Variants in GALNT18 observed in about 807,000 individuals in gnomAD.
GALNT18 encodes GalNAc-transferase 18.
A neutral mutation model predicts 69.5 loss-of-function variants in GALNT18; 44 were observed. That is an observed-to-expected ratio of 0.63 (90% confidence interval 0.50 to 0.81). The LOEUF (loss-of-function observed/expected upper bound fraction) is 0.81, where lower values mean the gene tolerates loss of function less well. Among genes scored for constraint, GALNT18 ranks in the 40% least tolerant of loss-of-function variants. GALNT18 has a pLI of 0.00. For missense variants in GALNT18, 715 were observed against 810.0 expected (o/e 0.88, Z 1.42); for synonymous variants, 364 against 318.2 (o/e 1.14, Z -1.53).
chr11:11,559,977 G>A (rs1180208729), intron 1 of GALNT18, among the ~76,000 whole-genome samples: 1 of 151,958 alleles, frequency 6.6e-6, no homozygotes, highest in Admixed American at 6.6e-5. Flanking sequence ...CGATGGAACA[G>A]AATGAGATAT....
At chr11:11,529,539 C>T (rs1377769372) in intron 1 of GALNT18, among the ~76,000 whole-genome samples, 1 of 152,206 alleles carries the variant, frequency 6.6e-6, no homozygotes, top group African/African-American at 2.4e-5. Context: ...ACCATGGCCT[C>T]CCATAGACCT....
chr11:11,358,200 TTTTGGCTTTCTGTTG>T, intron 6 of GALNT18, among the ~76,000 whole-genome samples: 1 of 140,882 alleles, frequency 7.1e-6, no homozygotes, highest in African/African-American at 2.6e-5. Context: ...AGTTTTATAG[TTTTGGCTTTCTGTTG>T]AATCCAGGTA....
intron 10 of GALNT18, among the ~76,000 whole-genome samples, chr11:11,291,410 G>C (rs11021760): frequency 0.055 from 8,426 of 152,248 alleles, 305 homozygotes; most frequent in Middle Eastern, 0.16. Flanking sequence ...TCATCTATGA[G>C]GTCAGGTGGT....
chr11:11,487,816 T>C (rs373266913), intron 1 of GALNT18, among the ~76,000 whole-genome samples: 1 of 152,320 alleles, frequency 6.6e-6, no homozygotes, highest in East Asian at 1.9e-4. Context: ...CTACTGCACC[T>C]GAGCTCACTT....
At position 11,580,980 on chromosome 11, in the gene GALNT18, G is replaced by A. The variant is rs915465088; in HGVS notation, c.235+40379C>T. Among the ~76,000 whole-genome samples the A allele has an allele frequency of 3.9e-5, 6 of 152,374 alleles. 1 individual carries two copies. In the East Asian group the frequency reaches 1.2e-3, roughly 29 times the overall value. On this transcript the variant is annotated intron_variant, in intron 1 of 10. Coordinates refer to ENST00000227756, the MANE Select transcript of GALNT18 (RefSeq NM_198516.3). Reference sequence around the variant, plus strand: ...CAAAGACTGTGTCATCCTCCACGGTGCCACCCTGAAGCCTGCTTCACAGCT... The same window carrying A: ...CAAAGACTGTGTCATCCTCCACGGTACCACCCTGAAGCCTGCTTCACAGCT...
At position 11,469,118 on chromosome 11, in the gene GALNT18, G is replaced by A. The variant is rs533169748; in HGVS notation, c.236-20182C>T. On this transcript the variant is annotated intron_variant, in intron 1 of 10. Coordinates refer to ENST00000227756, the MANE Select transcript of GALNT18 (RefSeq NM_198516.3). The surrounding 1 kb of genome is among the most constrained non-coding windows in gnomAD (Gnocchi z 4.2). ...TCTTTAACCACGTCACTGTGAATCA[G>A]CCAGCTCTGATGATATTATTTTTTG... 9.2e-5 allele frequency among the ~76,000 whole-genome samples: 14 copies of A among 152,320 alleles called. No individual in the cohort carries two copies. Among genetic ancestry groups the A allele is most frequent in the African/African-American group, 3.4e-4 (14 of 41,584 alleles).
At position 11,584,573 on chromosome 11, in the gene GALNT18, G is replaced by A. The variant is rs753248711; in HGVS notation, c.235+36786C>T. Among the ~76,000 whole-genome samples, 9 of 152,128 alleles carry A rather than the reference G, an allele frequency of 5.9e-5. No homozygotes were observed. The highest frequency in any genetic ancestry group is 1.2e-4 in the Non-Finnish European group (8 of 68,024). ...TTCAGTGAAACACCCACAGAGAGCC[G>A]TTTGCCCCTTGAGATTCCTGAGGAG... is the stretch of plus-strand genomic sequence containing the variant. On this transcript the variant is annotated intron_variant, in intron 1 of 10. Transcript: ENST00000227756. This position sits in a 1 kb window ranked among gnomAD's most constrained non-coding sequence, Gnocchi z 4.1.
intron 7 of GALNT18, among the ~76,000 whole-genome samples, chr11:11,335,068 T>G (rs1219099899): frequency 3.9e-5 from 6 of 152,262 alleles, no homozygotes; most frequent in African/African-American, 9.6e-5. Context: ...TGACTAAATT[T>G]AACACTGTGT....
chr11:11,599,816 T>C (rs943457388), intron 1 of GALNT18, among the ~76,000 whole-genome samples: 2 of 152,030 alleles, frequency 1.3e-5, no homozygotes, highest in African/African-American at 2.4e-5. Flanking sequence ...CAGTGTATGA[T>C]GTGATGCTTT....
chr11:11,401,633 CA>C (rs1854469696), intron 3 of GALNT18, among the ~76,000 whole-genome samples: 1 of 152,236 alleles, frequency 6.6e-6, no homozygotes, highest in Non-Finnish European at 1.5e-5. Context: ...TCTGATCAAA[CA>C]TTTCACTTTC....
intron 1 of GALNT18, among the ~76,000 whole-genome samples, chr11:11,551,397 C>A (rs1025053858): frequency 1.3e-5 from 2 of 152,208 alleles, no homozygotes; most frequent in Admixed American, 6.5e-5. Context: ...AACCCCATGA[C>A]TTCCCTTCCA....
At position 11,600,164 on chromosome 11, in the gene GALNT18, AAGG is replaced by A. The variant is rs1413816924; in HGVS notation, c.235+21192_235+21194del. ...CCTTTCTAAATCAGTTAAGAGAAGA[AAGG>A]AGGAGAAATATACAAATACGTTGTT... On this transcript the variant is annotated intron_variant, in intron 1 of 10. Transcript: ENST00000227756. The surrounding 1 kb of genome is among the most constrained non-coding windows in gnomAD (Gnocchi z 4.8). 5.9e-5 allele frequency among the ~76,000 whole-genome samples: 9 copies of A among 152,236 alleles called. No individual in the cohort carries two copies. Among genetic ancestry groups the A allele is most frequent in the African/African-American group, 1.9e-4 (8 of 41,590 alleles).
At chr11:11,514,864 G>A (rs1352508300) in intron 1 of GALNT18, among the ~76,000 whole-genome samples, 1 of 152,202 alleles carries the variant, frequency 6.6e-6, no homozygotes, top group Non-Finnish European at 1.5e-5. Context: ...ATCTGGACCA[G>A]GAGGCAGAGG....
At chr11:11,419,678 G>C (rs1428645418) in intron 3 of GALNT18, among the ~76,000 whole-genome samples, 1 of 149,076 alleles carries the variant, frequency 6.7e-6, no homozygotes, top group Non-Finnish European at 1.5e-5. Flanking sequence ...AGTGCAGTAA[G>C]AATCTTTGTG....
At chr11:11,395,894 G>C (rs183526780) in intron 3 of GALNT18, among the ~76,000 whole-genome samples, 5 of 152,232 alleles carry the variant, frequency 3.3e-5, no homozygotes, top group African/African-American at 1.2e-4. Context: ...CCATGACCAC[G>C]ATGCAAATGT....
chr11:11,405,520 C>G (rs1854570472), intron 3 of GALNT18, among the ~76,000 whole-genome samples: 1 of 152,158 alleles, frequency 6.6e-6, no homozygotes, highest in Non-Finnish European at 1.5e-5. Context: ...TTCAAGGTCT[C>G]TTCTTCCATG....
At chr11:11,608,782 CCA>C (rs1461254464) in intron 1 of GALNT18, among the ~76,000 whole-genome samples, 5 of 152,330 alleles carry the variant, frequency 3.3e-5, no homozygotes, top group Non-Finnish European at 5.9e-5. Flanking sequence ...CTCTCTTCCA[CCA>C]CACTCACTGA....
In GALNT18 at chr11:11,619,279, C is replaced by T. The variant is rs1470908149; in HGVS notation, c.235+2080G>A. 3.9e-5 allele frequency among the ~76,000 whole-genome samples: 6 copies of T among 152,164 alleles called. No individual in the cohort carries two copies. Among genetic ancestry groups the T allele is most frequent in the Admixed American group, 2.0e-4 (3 of 15,280 alleles). ...TTGCACGTGTACAAGTGGAACAACA[C>T]GTGTTTTAGGGACCCTGTCTCCTAT... is the stretch of plus-strand genomic sequence containing the variant. On this transcript the variant is annotated intron_variant, in intron 1 of 10. Coordinates refer to ENST00000227756, the MANE Select transcript of GALNT18 (RefSeq NM_198516.3). The surrounding 1 kb of genome is among the most constrained non-coding windows in gnomAD (Gnocchi z 4.9).
At chr11:11,453,889 G>A (rs1329253623) in intron 1 of GALNT18, among the ~76,000 whole-genome samples, 3 of 152,194 alleles carry the variant, frequency 2.0e-5, no homozygotes, top group Admixed American at 6.5e-5. Context: ...TTAGCAGCAT[G>A]AGAACAGACT....
Sources: allele counts gnomAD v4.1 joint callset (sites outside exome capture counted in the v4.1 genomes callset), GRCh38; gene constraint gnomAD v4.1.1; non-coding constraint Gnocchi (gnomAD v3.1); transcripts MANE v1.5; gene names NCBI Gene and HGNC (gene_info 2026-07-23, HGNC 2026-07-21).